The following CNTNAP2 variants were observed in gnomAD, a reference collection of about 807,000 sequenced individuals.
CNTNAP2 encodes the protein contactin-associated protein-like 2.
In CNTNAP2, 98 loss-of-function variants were observed where a neutral mutation model predicts 155.2. The observed-to-expected ratio is 0.63, with a 90% CI of 0.54 to 0.75. The LOEUF (loss-of-function observed/expected upper bound fraction) is 0.75. CNTNAP2 is among the 30% of genes least tolerant of loss of function. The pLI, the probability that CNTNAP2 is intolerant of heterozygous loss-of-function variation, is 0.00. For missense variants in CNTNAP2, 1,727 were observed against 1,688.1 expected (o/e 1.02, Z -0.40); for synonymous variants, 651 against 631.2 (o/e 1.03, Z -0.47).
intron 1 of CNTNAP2, among the ~76,000 whole-genome samples, chr7:146,403,785 A>G (rs1795747144): frequency 6.6e-6 from 1 of 152,154 alleles, no homozygotes; most frequent in Non-Finnish European, 1.5e-5. Flanking sequence ...TAGGTCTAGA[A>G]CAGAGACTAG....
chr7:147,335,149 T>C (rs936672983), intron 9 of CNTNAP2, among the ~76,000 whole-genome samples: 1 of 152,136 alleles, frequency 6.6e-6, no homozygotes, highest in Non-Finnish European at 1.5e-5. Flanking sequence ...TTTTAGTGAA[T>C]TGGATTGTGA....
intron 10 of CNTNAP2, among the ~76,000 whole-genome samples, chr7:147,442,977 G>A (rs188240311): frequency 4.6e-5 from 7 of 152,104 alleles, no homozygotes; most frequent in African/African-American, 1.4e-4. Context: ...GGAATTAGGG[G>A]AGAGGTGGTG....
chr7:147,472,147 C>T (rs1404488313), intron 10 of CNTNAP2, among the ~76,000 whole-genome samples: 1 of 150,258 alleles, frequency 6.7e-6, no homozygotes, highest in Non-Finnish European at 1.5e-5. Flanking sequence ...CAAAAACATA[C>T]AAGAGCTCAT....
intron 8 of CNTNAP2, among the ~76,000 whole-genome samples, chr7:147,239,748 C>T (rs1330528752): frequency 6.6e-6 from 1 of 152,096 alleles, no homozygotes; most frequent in Non-Finnish European, 1.5e-5. Context: ...ATTCCTGCAA[C>T]ATGATTTTCC....
At chr7:148,106,339 T>C (rs1467885423) in intron 15 of CNTNAP2, among the ~76,000 whole-genome samples, 3 of 151,784 alleles carry the variant, frequency 2.0e-5, no homozygotes. Context: ...CGTTAACATA[T>C]GATTAGTACT....
intron 3 of CNTNAP2, among the ~76,000 whole-genome samples, chr7:146,918,327 T>C (rs563814174): frequency 6.6e-6 from 1 of 152,338 alleles, no homozygotes; most frequent in South Asian, 2.1e-4. Flanking sequence ...TTTCGAGGAT[T>C]TTTTTCAAGA....
intron 9 of CNTNAP2, among the ~76,000 whole-genome samples, chr7:147,367,901 T>C (rs1796262592): frequency 6.6e-6 from 1 of 152,128 alleles, no homozygotes; most frequent in Non-Finnish European, 1.5e-5. Flanking sequence ...CCATCTGTAA[T>C]GGGCTAACCT....
intron 1 of CNTNAP2, among the ~76,000 whole-genome samples, chr7:146,388,468 G>A (rs1416289059): frequency 2.6e-5 from 4 of 151,856 alleles, no homozygotes; most frequent in Non-Finnish European, 4.4e-5. Context: ...TATAGTAGGT[G>A]TATATATTTA....
chr7:148,179,678 GAA>G (rs965292065), intron 18 of CNTNAP2, among the ~76,000 whole-genome samples: 2 of 150,232 alleles, frequency 1.3e-5, no homozygotes, highest in Non-Finnish European at 3.0e-5. Context: ...AGAGAGAAGA[GAA>G]AGAAAGGGAA....
chr7:146,749,760 T>A (rs898062359), intron 1 of CNTNAP2, among the ~76,000 whole-genome samples: 2 of 152,216 alleles, frequency 1.3e-5, no homozygotes, highest in Non-Finnish European at 2.9e-5. Flanking sequence ...AATTTAAATA[T>A]AGAAGATGGA....
Position 148,168,554 on chromosome 7 carries a change from G to C in CNTNAP2, c.2774-3688G>C, listed in dbSNP as rs1007199839. Among the ~76,000 whole-genome samples, 322 of 124,476 alleles carry C rather than the reference G, an allele frequency of 2.6e-3. 1 individual carries two copies. The highest frequency in any genetic ancestry group is 9.3e-3 in the African/African-American group (303 of 32,454). 81.7% of individuals were successfully genotyped at this position (124,476 alleles called of 152,430 possible). Reference sequence around the variant, plus strand: ...AGGAAGGGGAACATCACACACCGGGGCCTGTTGTGGGGTGGGGGGAGGGGG... The same window carrying C: ...AGGAAGGGGAACATCACACACCGGGCCCTGTTGTGGGGTGGGGGGAGGGGG... On this transcript the variant is annotated intron_variant, in intron 17 of 23. Transcript: ENST00000361727.
chr7:146,292,597 T>G (rs564460174), intron 1 of CNTNAP2, among the ~76,000 whole-genome samples: 1 of 152,264 alleles, frequency 6.6e-6, no homozygotes, highest in Non-Finnish European at 1.5e-5. Context: ...AAAATAGAAC[T>G]GCCATATGAT....
intron 2 of CNTNAP2, among the ~76,000 whole-genome samples, chr7:146,812,462 A>ATT (rs1803085829): frequency 6.8e-6 from 1 of 147,468 alleles, no homozygotes; most frequent in African/African-American, 2.5e-5. Context: ...ATATATATAT[A>ATT]TTTATACTTT....
At chr7:147,394,807 TTGTGTGTGTGTGTG>T (rs61695156) in intron 9 of CNTNAP2, among the ~76,000 whole-genome samples, 6,067 of 139,336 alleles carry the variant, frequency 0.044, 128 homozygotes, top group Non-Finnish European at 0.061. Context: ...ATCAACAGTA[TTGTGTGTGTGTGTG>T]TGTGTGTGTG....
At chr7:147,199,743 C>A (rs972894862) in intron 8 of CNTNAP2, among the ~76,000 whole-genome samples, 2 of 151,680 alleles carry the variant, frequency 1.3e-5, no homozygotes, top group Non-Finnish European at 2.9e-5. Flanking sequence ...GGCATGCTTC[C>A]TTGAGAAAAG....
chr7:147,459,823 C>T (rs1797986891), intron 10 of CNTNAP2, among the ~76,000 whole-genome samples: 1 of 152,152 alleles, frequency 6.6e-6, no homozygotes, highest in Non-Finnish European at 1.5e-5. Context: ...CAGTCGGAAA[C>T]TAGCATTCTG....
intron 14 of CNTNAP2, among the ~76,000 whole-genome samples, chr7:147,919,710 G>A (rs541837659): frequency 1.5e-4 from 23 of 151,194 alleles, no homozygotes; most frequent in Non-Finnish European, 2.8e-4. Context: ...CGCCCGCCTC[G>A]GCCTCCCAAA....
At chr7:148,254,775 C>CA (rs55711921) in intron 20 of CNTNAP2, among the ~76,000 whole-genome samples, 13,304 of 120,014 alleles carry the variant, frequency 0.11, 811 homozygotes, top group East Asian at 0.17. Context: ...GACTCCATCT[C>CA]AAAAAAAAAA....
intron 15 of CNTNAP2, among the ~76,000 whole-genome samples, chr7:148,113,650 G>A (rs1222016864): frequency 1.3e-5 from 2 of 152,362 alleles, no homozygotes; most frequent in East Asian, 3.9e-4. Flanking sequence ...CAGCAAGCCT[G>A]CTTTGCAGGC....
Sources: allele counts gnomAD v4.1 joint callset (sites outside exome capture counted in the v4.1 genomes callset), GRCh38; gene constraint gnomAD v4.1.1; transcripts MANE v1.5; gene names NCBI Gene and HGNC (gene_info 2026-07-23, HGNC 2026-07-21).